COMMD10: variants seen among roughly 807,000 people sequenced by gnomAD.
The protein encoded by COMMD10 is COMM domain-containing protein 10.
A neutral mutation model predicts 28.9 loss-of-function variants in COMMD10; 33 were observed. The ratio of observed to expected loss-of-function variants is 1.14; its 90% CI spans 0.87 to 1.53. COMMD10 has a LOEUF of 1.53. Among genes scored for constraint, COMMD10 ranks in the 40% most tolerant of loss-of-function variants. The pLI is 0.00. For synonymous variants in COMMD10, 110 were observed against 81.7 expected (o/e 1.35, Z -1.87); for missense variants, 310 against 233.4 (o/e 1.33, Z -2.14).
In COMMD10 at chr5:116,166,090, T is replaced by C. The variant is rs558181308; in HGVS notation, c.510+31912T>C. Among the ~76,000 whole-genome samples, 11 of 152,272 alleles carry C rather than the reference T, an allele frequency of 7.2e-5. 1 individual carries two copies. In the South Asian group the frequency reaches 2.1e-3, roughly 29 times the overall value. On this transcript the variant is annotated intron_variant, in intron 5 of 6. Transcript: ENST00000274458. ...CTAGACATTCTATGGCCGAAAGAGCTTGCATGTTTAAATATTTCTATAGTT... is the reference window on the plus strand; with the variant it reads ...CTAGACATTCTATGGCCGAAAGAGCCTGCATGTTTAAATATTTCTATAGTT...
chr5:116,104,989 C>A (rs1223438153), intron 4 of COMMD10, among the ~76,000 whole-genome samples: 1 of 152,180 alleles, frequency 6.6e-6, no homozygotes, highest in Non-Finnish European at 1.5e-5. Context: ...ACTTCCAATA[C>A]TGTGTTGAAT....
At chr5:116,227,847 G>C (rs1321293582) in intron 5 of COMMD10, among the ~76,000 whole-genome samples, 3 of 152,048 alleles carry the variant, frequency 2.0e-5, no homozygotes, top group African/African-American at 7.2e-5. Flanking sequence ...ACATCAGTGT[G>C]TATGTATACC....
intron 5 of COMMD10, among the ~76,000 whole-genome samples, chr5:116,220,080 A>G (rs1749207105): frequency 6.6e-6 from 1 of 152,204 alleles, no homozygotes; most frequent in Admixed American, 6.5e-5. Context: ...CAGTTATCAA[A>G]GCTGAAGCTT....
chr5:116,127,599 A>T (rs951414770), intron 4 of COMMD10, among the ~76,000 whole-genome samples: 3 of 152,214 alleles, frequency 2.0e-5, no homozygotes, highest in Admixed American at 1.3e-4. Context: ...TGCAGCCATA[A>T]AAAAGGATGA....
At chr5:116,191,999 G>A (rs969598847) in intron 5 of COMMD10, among the ~76,000 whole-genome samples, 1 of 151,624 alleles carries the variant, frequency 6.6e-6, no homozygotes, top group Non-Finnish European at 1.5e-5. Flanking sequence ...ATATTGTGCA[G>A]ACAACCCCCA....
At chr5:116,093,100 A>G (rs1561596031) in intron 4 of COMMD10, among the ~76,000 whole-genome samples, 3 of 152,172 alleles carry the variant, frequency 2.0e-5, no homozygotes, top group South Asian at 2.1e-4. Flanking sequence ...ATTGTCTGGT[A>G]TGGGCCCTGA....
chr5:116,102,223 A>AT (rs1026157617), intron 4 of COMMD10, among the ~76,000 whole-genome samples: 3 of 152,138 alleles, frequency 2.0e-5, no homozygotes, highest in South Asian at 2.1e-4. Flanking sequence ...TCATCTTGAG[A>AT]TTTTTTTTAT....
intron 4 of COMMD10, among the ~76,000 whole-genome samples, chr5:116,108,631 G>T (rs1750927671): frequency 6.6e-6 from 1 of 152,216 alleles, no homozygotes; most frequent in Non-Finnish European, 1.5e-5. Flanking sequence ...GTACTCTGGG[G>T]TTGGGACCTG....
chr5:116,093,303 TAAATAAAACATCTA>T (rs1250779909), intron 4 of COMMD10, among the ~76,000 whole-genome samples: 1 of 152,128 alleles, frequency 6.6e-6, no homozygotes, highest in Non-Finnish European at 1.5e-5. Flanking sequence ...AATCACACTG[TAAATAAAACATCTA>T]AAAGAGAATG....
chr5:116,245,028 C>T (rs1749906347), intron 5 of COMMD10, among the ~76,000 whole-genome samples: 1 of 139,072 alleles, frequency 7.2e-6, no homozygotes, highest in Non-Finnish European at 1.6e-5. Flanking sequence ...TCATTCAAAA[C>T]ATAAATCCAG....
At chr5:116,180,900 C>G (rs190212310) in intron 5 of COMMD10, among the ~76,000 whole-genome samples, 3 of 152,212 alleles carry the variant, frequency 2.0e-5, no homozygotes, top group African/African-American at 7.2e-5. Context: ...TGTCTCTCAT[C>G]CCAGCACTTT....
At chr5:116,144,968 T>C (rs545363818) in intron 5 of COMMD10, among the ~76,000 whole-genome samples, 1 of 151,824 alleles carries the variant, frequency 6.6e-6, no homozygotes, top group African/African-American at 2.4e-5. Flanking sequence ...GAAAGTGAGA[T>C]GTGAGATTCA....
At chr5:116,274,541 C>T (rs1750850446) in intron 5 of COMMD10, among the ~76,000 whole-genome samples, 1 of 151,756 alleles carries the variant, frequency 6.6e-6, no homozygotes, top group Non-Finnish European at 1.5e-5. Flanking sequence ...GCTTGATTTT[C>T]TTACTGTATA....
chr5:116,217,451 A>G (rs1322152043), intron 5 of COMMD10, among the ~76,000 whole-genome samples: 3 of 152,218 alleles, frequency 2.0e-5, no homozygotes, highest in Non-Finnish European at 4.4e-5. Flanking sequence ...TTGTTTAACA[A>G]CTTTTCACAA....
At chr5:116,212,440 C>A (rs1402889422) in intron 5 of COMMD10, among the ~76,000 whole-genome samples, 1 of 146,156 alleles carries the variant, frequency 6.8e-6, no homozygotes, top group Admixed American at 7.0e-5. Flanking sequence ...CAGAGCAGGC[C>A]TGCAAGGGGA....
chr5:116,272,583 G>T (rs970020865), intron 5 of COMMD10, among the ~76,000 whole-genome samples: 7 of 151,696 alleles, frequency 4.6e-5, no homozygotes, highest in African/African-American at 1.7e-4. Flanking sequence ...TTCATCTCTT[G>T]GTAGCCATTG....
intron 4 of COMMD10, among the ~76,000 whole-genome samples, chr5:116,100,932 C>A (rs1246290145): frequency 6.6e-6 from 1 of 152,120 alleles, no homozygotes; most frequent in African/African-American, 2.4e-5. Context: ...TCTGTCATTC[C>A]ACTTTTTACA....
intron 5 of COMMD10, among the ~76,000 whole-genome samples, chr5:116,217,693 A>G (rs768800168): frequency 1.3e-5 from 2 of 152,182 alleles, no homozygotes; most frequent in African/African-American, 2.4e-5. Flanking sequence ...AAGAGAGATA[A>G]AAATGATTTT....
chr5:116,167,726 C>G (rs1409329139), intron 5 of COMMD10, among the ~76,000 whole-genome samples: 1 of 152,112 alleles, frequency 6.6e-6, no homozygotes, highest in African/African-American at 2.4e-5. Context: ...CCTATCCAAC[C>G]TAGCTAAATT....
Sources: allele counts gnomAD v4.1 joint callset (sites outside exome capture counted in the v4.1 genomes callset), GRCh38; gene constraint gnomAD v4.1.1; transcripts MANE v1.5; gene names NCBI Gene and HGNC (gene_info 2026-07-23, HGNC 2026-07-21).